CCDC102B: variants seen among roughly 807,000 people sequenced by gnomAD.
CCDC102B encodes the protein coiled-coil domain containing 102B.
In CCDC102B, 75 loss-of-function variants were observed where a neutral mutation model predicts 57.4. The observed-to-expected ratio is 1.31, with a 90% CI of 1.08 to 1.58. The LOEUF (loss-of-function observed/expected upper bound fraction) is 1.58. Ranked by LOEUF, CCDC102B falls within the 40% of genes most tolerant of loss-of-function variation. CCDC102B has a pLI of 0.00. For synonymous variants in CCDC102B, 206 were observed against 201.9 expected (o/e 1.02, Z -0.17); for missense variants, 636 against 582.6 (o/e 1.09, Z -0.94).
chr18:68,715,227 G>A (rs1031308541), upstream of CCDC102B: 1 of 1,359,526 alleles, frequency 7.4e-7, no homozygotes, highest in African/African-American at 1.5e-5. Flanking sequence ...AGAATCCTTT[G>A]CGCTCTCGGT....
chr18:68,879,950 C>A (rs945383851), intron 5 of CCDC102B, among the ~76,000 whole-genome samples: 103 of 152,356 alleles, frequency 6.8e-4, no homozygotes, highest in African/African-American at 2.4e-3. Context: ...GATCCCGCAC[C>A]AGGGCTGCAG....
chr18:68,879,234 G>A (rs140883280), intron 5 of CCDC102B, among the ~76,000 whole-genome samples: 1,769 of 152,034 alleles, frequency 0.012, 34 homozygotes, highest in East Asian at 0.08. Flanking sequence ...TCTTGGTCTC[G>A]CTGGCTTCAG....
chr18:68,857,418 A>T (rs968439220), intron 4 of CCDC102B, among the ~76,000 whole-genome samples: 8 of 128,352 alleles, frequency 6.2e-5, no homozygotes, highest in Non-Finnish European at 9.4e-5. Context: ...ATATATATTT[A>T]TATATAAACA....
chr18:68,980,701 G>T (rs2050556356), intron 6 of CCDC102B, among the ~76,000 whole-genome samples: 1 of 151,954 alleles, frequency 6.6e-6, no homozygotes, highest in South Asian at 2.1e-4. Flanking sequence ...GGAGGGAAGG[G>T]CTACCCAAGG....
chr18:68,994,066 A>C (rs1222516085), intron 6 of CCDC102B, among the ~76,000 whole-genome samples: 3 of 151,732 alleles, frequency 2.0e-5, no homozygotes, highest in African/African-American at 7.3e-5. Flanking sequence ...GGTCTGGCTA[A>C]ATCCTACACA....
chr18:68,729,914 C>T (rs1173428559), intron 2 of CCDC102B, among the ~76,000 whole-genome samples: 1 of 152,104 alleles, frequency 6.6e-6, no homozygotes, highest in African/African-American at 2.4e-5. Context: ...ATACAAAGCA[C>T]CTAACAGTGG....
intron 7 of CCDC102B, 22 bp downstream of exon 7, chr18:69,011,126 C>T (rs746056122): frequency 5.0e-6 from 8 of 1,596,028 alleles, no homozygotes; most frequent in South Asian, 2.3e-5. Context: ...TGAGTGAACA[C>T]GTGCTGGACA....
At chr18:68,720,274 G>T (rs375896157) in intron 2 of CCDC102B, among the ~76,000 whole-genome samples, 85 of 152,274 alleles carry the variant, frequency 5.6e-4, no homozygotes, top group African/African-American at 1.7e-3. Flanking sequence ...ACCAAAACCT[G>T]CTAATAATGA....
At chr18:68,727,143 G>C (rs909257865) in intron 2 of CCDC102B, among the ~76,000 whole-genome samples, 12 of 152,130 alleles carry the variant, frequency 7.9e-5, no homozygotes, top group African/African-American at 2.9e-4. Context: ...AACAAGCCTT[G>C]GAACTGCAGA....
chr18:68,814,720 G>A (rs1437621984), intron 1 of CCDC102B, among the ~76,000 whole-genome samples: 19 of 151,948 alleles, frequency 1.3e-4, no homozygotes, highest in Admixed American at 1.2e-3. Context: ...GAATACCTGG[G>A]TTTTGAAAAA....
intron 6 of CCDC102B, among the ~76,000 whole-genome samples, chr18:68,925,450 T>C (rs1046943021): frequency 7.2e-5 from 11 of 151,944 alleles, no homozygotes; most frequent in African/African-American, 2.7e-4. Flanking sequence ...CCTTGTCATG[T>C]CCTCCACTGA....
chr18:68,839,819 T>C (rs1029192395), intron 3 of CCDC102B, among the ~76,000 whole-genome samples: 29 of 152,276 alleles, frequency 1.9e-4, no homozygotes, highest in African/African-American at 7.0e-4. Flanking sequence ...GAAAACGCCA[T>C]TTGAATGATT....
At chr18:68,826,656 A>C (rs1419781286) in intron 1 of CCDC102B, among the ~76,000 whole-genome samples, 1 of 152,172 alleles carries the variant, frequency 6.6e-6, no homozygotes, top group Non-Finnish European at 1.5e-5. Flanking sequence ...ATTTTTAAAA[A>C]ACGATATACA....
intron 6 of CCDC102B, among the ~76,000 whole-genome samples, chr18:68,981,346 A>G (rs1371112220): frequency 1.3e-5 from 2 of 152,036 alleles, no homozygotes; most frequent in Non-Finnish European, 2.9e-5. Context: ...GGGAAGTTTT[A>G]TTGGACTAAT....
At chr18:68,724,805 C>T (rs2032516752) in intron 2 of CCDC102B, among the ~76,000 whole-genome samples, 1 of 152,176 alleles carries the variant, frequency 6.6e-6, no homozygotes, top group South Asian at 2.1e-4. Flanking sequence ...CCAAATTGTT[C>T]CAACCTCTGC....
intron 6 of CCDC102B, among the ~76,000 whole-genome samples, chr18:68,918,864 A>T (rs2145100351): frequency 6.6e-6 from 1 of 152,244 alleles, no homozygotes; most frequent in African/African-American, 2.4e-5. Flanking sequence ...TAAAAAATAA[A>T]CTTCCCTTTA....
chr18:68,928,649 G>A (rs920310784), intron 6 of CCDC102B, among the ~76,000 whole-genome samples: 1 of 151,878 alleles, frequency 6.6e-6, no homozygotes, highest in African/African-American at 2.4e-5. Context: ...GGAAAGGGAA[G>A]AAATGGAAGA....
intron 7 of CCDC102B, among the ~76,000 whole-genome samples, chr18:69,047,862 A>G (rs1236004189): frequency 6.6e-6 from 1 of 152,172 alleles, no homozygotes; most frequent in African/African-American, 2.4e-5. Flanking sequence ...TGAGAGTTAC[A>G]CTGCTCAAAT....
chr18:68,834,289 G>A (rs2037268279), intron 1 of CCDC102B, among the ~76,000 whole-genome samples: 1 of 151,820 alleles, frequency 6.6e-6, no homozygotes, highest in South Asian at 2.1e-4. Flanking sequence ...TTATGATACT[G>A]ATTTATTTTG....
Sources: gnomAD v4.1 joint callset for allele counts (sites outside exome capture counted in the v4.1 genomes callset) on GRCh38, gnomAD v4.1.1 for gene constraint, MANE v1.5 for transcripts, NCBI Gene and HGNC (gene_info 2026-07-23, HGNC 2026-07-21) for gene names.